Variants in AKAP12 observed in about 807,000 individuals in gnomAD.
AKAP12 encodes A-kinase anchor protein 12.
AKAP12 carries 32 observed loss-of-function variants against 79.9 expected under a neutral mutation model. That is an observed-to-expected ratio of 0.40 (90% CI 0.30 to 0.54). The LOEUF is 0.54. Among genes scored for constraint, AKAP12 ranks in the 20% least tolerant of loss-of-function variants. AKAP12 has a pLI of 0.48. For missense variants in AKAP12, 2,074 were observed against 2,177.0 expected (o/e 0.95, Z 0.94); for synonymous variants, 808 against 857.0 (o/e 0.94, Z 1.00).
chr6:151,270,304 C>T (rs1217141941), intron 2 of AKAP12, among the ~76,000 whole-genome samples: 2 of 152,160 alleles, frequency 1.3e-5, no homozygotes, highest in South Asian at 2.1e-4. Context: ...GTGATCTGCC[C>T]GCCTCGGCCT....
intron 2 of AKAP12, among the ~76,000 whole-genome samples, chr6:151,249,537 G>A (rs185615804): frequency 6.6e-6 from 1 of 152,264 alleles, no homozygotes; most frequent in East Asian, 1.9e-4. Flanking sequence ...AGGAACTGGG[G>A]AAACAGAAGT....
chr6:151,243,627 C>T (rs1797017587), intron 2 of AKAP12, among the ~76,000 whole-genome samples: 1 of 152,038 alleles, frequency 6.6e-6, no homozygotes. Context: ...CTTTTGTAAT[C>T]TTTATTTTTT....
rs572673233 is a variant in AKAP12 at position 151,314,350 on chromosome 6, T to G, written c.319+8447T>G. ...CCTCTAATCTGATCTTAAAAGCCAT[T>G]TTCTATATTTGAAGTTTTAATTTAA... On this transcript the variant is annotated intron_variant, in intron 3 of 4. Coordinates refer to ENST00000402676, the MANE Select transcript of AKAP12 (RefSeq NM_005100.4). Among the ~76,000 whole-genome samples the G allele has an allele frequency of 3.9e-5, 6 of 152,300 alleles. 1 individual carries two copies. In the South Asian group the frequency reaches 1.2e-3, roughly 32 times the overall value.
At chr6:151,248,771 C>T (rs1057100865) in intron 2 of AKAP12, among the ~76,000 whole-genome samples, 4 of 152,068 alleles carry the variant, frequency 2.6e-5, no homozygotes, top group Non-Finnish European at 5.9e-5. Flanking sequence ...GGGCGGATCA[C>T]GAGGTCAGCA....
chr6:151,289,721 T>G (rs1393896227), intron 2 of AKAP12, among the ~76,000 whole-genome samples: 3 of 152,246 alleles, frequency 2.0e-5, no homozygotes, highest in East Asian at 3.8e-4. Flanking sequence ...GATCAATACA[T>G]TCTAGGCTGG....
chr6:151,316,999 A>G (rs1054546583), intron 3 of AKAP12, among the ~76,000 whole-genome samples: 3 of 152,170 alleles, frequency 2.0e-5, no homozygotes, highest in African/African-American at 7.2e-5. Flanking sequence ...TCACTTCGTT[A>G]AAGGCCCTGT....
intron 2 of AKAP12, among the ~76,000 whole-genome samples, chr6:151,292,474 AC>A (rs1327483718): frequency 6.6e-6 from 1 of 152,116 alleles, no homozygotes; most frequent in Non-Finnish European, 1.5e-5. Flanking sequence ...GGACCCTCCC[AC>A]CCCTGTTGGT....
In AKAP12 at chr6:151,350,360, A is replaced by G; in HGVS notation, c.1969A>G (p.Met657Val). Residue 657 changes from methionine (M) to valine (V), a missense_variant, in exon 4 of 5, where the codon ATG (methionine) becomes GTG (valine). Met to Val is a conservative substitution (Grantham distance 21, BLOSUM62 1). Around this residue, in one of 3 missense-constraint regions of AKAP12, gnomAD observed 1,428 missense variants for 1,451.0 expected, o/e 0.98. Coordinates refer to ENST00000402676, the MANE Select transcript of AKAP12 (RefSeq NM_005100.4). The surrounding 1 kb of genome is among the most constrained non-coding windows in gnomAD (Gnocchi z 4.8). The stretch of plus-strand genomic sequence containing the variant: ...CACAGCCTCTGAAATGCAAGAAGAA[A>G]TGAAAGGGAGCGTGGAAGAGCCAAA... ...ESTASEMQEE[M>V]KGSVEEPKPE... 1.2e-6 allele frequency: 2 copies of G among 1,613,920 alleles called. No individual in the cohort carries two copies. The highest frequency in any genetic ancestry group is 1.7e-6 in the Non-Finnish European group (2 of 1,180,014).
At chr6:151,318,216 A>G (rs772627753) in intron 3 of AKAP12, among the ~76,000 whole-genome samples, 2 of 152,200 alleles carry the variant, frequency 1.3e-5, no homozygotes, top group African/African-American at 2.4e-5. Context: ...ATCCAGGACT[A>G]CCAGATCCCA....
At chr6:151,348,656 GT>G (rs1778177025) in intron 3 of AKAP12, 54 bp from the exon 4 acceptor site, 1 of 1,265,634 alleles carries the variant, frequency 7.9e-7, no homozygotes, top group East Asian at 2.6e-5. Context: ...CAATTTTCTT[GT>G]ATTGTAATCA....
In AKAP12 at chr6:151,358,177, G is replaced by A. The variant is rs192979431; in HGVS notation, c.*2463G>A. 1 of 152,306 alleles carries A rather than the reference G, an allele frequency of 6.6e-6. No homozygotes were observed. The highest frequency in any genetic ancestry group is 2.4e-5 in the African/African-American group (1 of 41,564). The allele number at this position is 152,306 out of a possible 1,614,324, so 9.4% of individuals were successfully genotyped here. A position where few individuals can be genotyped will look rare whatever the true frequency, so the allele number is the denominator to read the frequency against. On this transcript the variant is annotated 3_prime_UTR_variant, in exon 5 of 5. Coordinates refer to ENST00000402676, the MANE Select transcript of AKAP12 (RefSeq NM_005100.4). ...TTTATGAAGTACATAATAATCTAAT[G>A]TAAACTGCAGAAGTCAGAGCAAGTG...
intron 4 of AKAP12, among the ~76,000 whole-genome samples, chr6:151,354,242 A>C (rs1778382086): frequency 6.6e-6 from 1 of 151,444 alleles, no homozygotes; most frequent in Admixed American, 6.6e-5. Flanking sequence ...CTTTCAGAAA[A>C]AATGGATTTT....
intron 2 of AKAP12, among the ~76,000 whole-genome samples, chr6:151,286,926 A>G (rs1053112968): frequency 4.6e-5 from 7 of 151,798 alleles, no homozygotes; most frequent in Non-Finnish European, 7.4e-5. Context: ...TGGGGTAAGC[A>G]TATTTTCTTT....
At chr6:151,311,209 TC>T (rs1178805610) in intron 3 of AKAP12, among the ~76,000 whole-genome samples, 6 of 152,218 alleles carry the variant, frequency 3.9e-5, no homozygotes, top group Admixed American at 1.3e-4. Context: ...GCTTCAAGCT[TC>T]CTTCCACGTC....
intron 3 of AKAP12, among the ~76,000 whole-genome samples, chr6:151,337,636 T>C (rs951872571): frequency 1.3e-5 from 2 of 152,124 alleles, no homozygotes; most frequent in African/African-American, 4.8e-5. Context: ...TAGTGGGATA[T>C]TGTCAACATT....
intron 3 of AKAP12, among the ~76,000 whole-genome samples, chr6:151,334,797 ATT>A (rs199564300): frequency 1.3e-5 from 2 of 150,922 alleles, no homozygotes; most frequent in Non-Finnish European, 3.0e-5. Flanking sequence ...GATTTTTTGT[ATT>A]TTTTTAGTAG....
intron 3 of AKAP12, chr6:151,325,398 A>G (rs951759340): frequency 2.0e-6 from 2 of 985,442 alleles, no homozygotes; most frequent in Non-Finnish European, 2.4e-6. Context: ...GTTTAGATCC[A>G]ATGCGCCGGC....
intron 2 of AKAP12, among the ~76,000 whole-genome samples, chr6:151,255,124 A>G (rs148832054): frequency 2.0e-5 from 3 of 152,062 alleles, no homozygotes; most frequent in Admixed American, 6.6e-5. Flanking sequence ...AGTTACAGTT[A>G]TAGGCAGGTG....
rs370524915 is a variant in AKAP12 at position 151,350,112 on chromosome 6, A to C, written c.1721A>C (p.Glu574Ala). ...TCTGCCTCATCCCCTGAGGAGCCCG[A>C]GGAGATCACGTGTCTGGAAAAGGGC... is the stretch of plus-strand genomic sequence containing the variant. Reference protein sequence around the residue: ...ESSASSPEEPEEITCLEKGLA... With the variant: ...ESSASSPEEPAEITCLEKGLA... The change falls in exon 4 of 5, where the codon GAG becomes GCG. Residue 574 changes from glutamate to alanine, a missense_variant. Glu to Ala is a moderately radical substitution (Grantham distance 107). Around this residue, in one of 3 missense-constraint regions of AKAP12, gnomAD observed 1,428 missense variants for 1,451.0 expected, o/e 0.98. Coordinates refer to ENST00000402676, the MANE Select transcript of AKAP12 (RefSeq NM_005100.4). The surrounding 1 kb of genome is among the most constrained non-coding windows in gnomAD (Gnocchi z 4.8). 6.5e-5 allele frequency: 105 copies of C among 1,613,940 alleles called. No individual in the cohort carries two copies. Among genetic ancestry groups the C allele is most frequent in the Non-Finnish European group, 8.8e-5 (104 of 1,180,004 alleles).
Sources: gnomAD v4.1 joint callset for allele counts (sites outside exome capture counted in the v4.1 genomes callset) on GRCh38, gnomAD v4.1.1 for gene constraint, gnomAD v4.1.1 regional missense constraint, Gnocchi (gnomAD v3.1) non-coding constraint, MANE v1.5 for transcripts, NCBI Gene and HGNC (gene_info 2026-07-23, HGNC 2026-07-21) for gene names.